The following MEF2D variants were observed in gnomAD, a reference collection of about 807,000 sequenced individuals.
The protein encoded by MEF2D is myocyte enhancer factor 2D, also known as myocyte-specific enhancer factor 2D.
In MEF2D, 10 loss-of-function variants were observed where a neutral mutation model predicts 59.3. That is an observed-to-expected ratio of 0.17 (90% CI 0.10 to 0.29). MEF2D has a LOEUF of 0.29. Among genes scored for constraint, MEF2D ranks in the 10% least tolerant of loss-of-function variants. MEF2D has a pLI of 1.00. For synonymous variants in MEF2D, 305 were observed against 295.0 expected (o/e 1.03, Z -0.35); for missense variants, 508 against 699.4 (o/e 0.73, Z 3.09).
chr1:156,499,109 C>T (rs1673319748), intron 1 of MEF2D, among the ~76,000 whole-genome samples: 1 of 152,146 alleles, frequency 6.6e-6, no homozygotes, highest in African/African-American at 2.4e-5. Flanking sequence ...CCAAAACACC[C>T]AATCTCAGGC....
rs1169744204 is a variant in MEF2D at position 156,483,364 on chromosome 1, T to C, written c.-72A>G. 1.1e-5 allele frequency: 15 copies of C among 1,396,062 alleles called. No homozygotes were observed. Among genetic ancestry groups the C allele is most frequent in the Non-Finnish European group, 1.4e-5 (14 of 981,854 alleles). The allele number at this position is 1,396,062 out of a possible 1,614,324, so 86.5% of individuals were successfully genotyped here. A position where few individuals can be genotyped will look rare whatever the true frequency, so the allele number is the denominator to read the frequency against. On this transcript the variant is annotated 5_prime_UTR_variant, in exon 2 of 12. Transcript: ENST00000348159. ...TGGTGGGTCTCGGCACACCTTACAC[T>C]GTGCTCATGAACGGTCTGGGAACAG... is the stretch of plus-strand genomic sequence containing the variant.
At chr1:156,469,589 T>TAAAAA (rs57183071) in intron 9 of MEF2D, among the ~76,000 whole-genome samples, 3 of 92,988 alleles carry the variant, frequency 3.2e-5, no homozygotes, top group Non-Finnish European at 2.7e-5. Context: ...GTGTTGAACT[T>TAAAAA]AAAAAAAAAA....
chr1:156,485,954 A>G (rs928294550), intron 1 of MEF2D, among the ~76,000 whole-genome samples: 2 of 150,842 alleles, frequency 1.3e-5, no homozygotes, highest in Non-Finnish European at 3.0e-5. Flanking sequence ...GGTTCAAGCG[A>G]TTCTCCTGCC....
chr1:156,471,285 C>G (rs1285189018), intron 9 of MEF2D, among the ~76,000 whole-genome samples: 1 of 152,164 alleles, frequency 6.6e-6, no homozygotes, highest in Non-Finnish European at 1.5e-5. Flanking sequence ...CGCACACCAT[C>G]ACGCCCAGCT....
chr1:156,479,925 C>T (rs1366763041), intron 4 of MEF2D, 129 bp from the exon 5 acceptor site: 1 of 862,728 alleles, frequency 1.2e-6, no homozygotes, highest in South Asian at 1.7e-5. Flanking sequence ...GCAGTTCAAG[C>T]TCCCTGCCCT....
In MEF2D at chr1:156,467,787, C is replaced by G. The variant is rs1041462113; in HGVS notation, c.1555-131G>C. The G allele has an allele frequency of 8.2e-6, 9 of 1,095,038 alleles. No homozygotes were observed. In the Admixed American group the frequency reaches 2.8e-4, roughly 34 times the overall value. The allele number at this position is 1,095,038 out of a possible 1,614,324, so 67.8% of individuals were successfully genotyped here. A position where few individuals can be genotyped will look rare whatever the true frequency, so the allele number is the denominator to read the frequency against. ...GCCAGCTGTGAGGGGAAGAAGTCAT[C>G]GAGCAGAAGGACTGATGCTGGAGGG... On this transcript the variant is annotated intron_variant, in intron 11 of 11. Coordinates refer to ENST00000348159, the MANE Select transcript of MEF2D (RefSeq NM_005920.4).
intron 1 of MEF2D, among the ~76,000 whole-genome samples, chr1:156,484,619 T>A (rs1672230249): frequency 6.6e-6 from 1 of 152,210 alleles, no homozygotes; most frequent in Non-Finnish European, 1.5e-5. Flanking sequence ...GGGAGGCCAC[T>A]GGCAGCCAGG....
chr1:156,477,333 G>C, intron 6 of MEF2D, 131 bp from the exon 7 acceptor site: 1 of 713,634 alleles, frequency 1.4e-6, no homozygotes, highest in East Asian at 2.8e-5. Context: ...AGTGGGGGCT[G>C]AGCTATCTGA....
chr1:156,480,431 G>T lies in MEF2D; in HGVS notation c.396+403C>A, dbSNP rs549276344. Among the ~76,000 whole-genome samples the T allele has an allele frequency of 3.5e-3, 531 of 152,324 alleles. 2 individuals carry two copies. Among genetic ancestry groups the T allele is most frequent in the Non-Finnish European group, 5.9e-3 (400 of 68,034 alleles). ...TCATCTACACACTTCTTGCTGGAGA[G>T]GGGGACACTCCAGGCCTCTCCAACT... On this transcript the variant is annotated intron_variant, in intron 4 of 11. Transcript: ENST00000348159.
intron 1 of MEF2D, among the ~76,000 whole-genome samples, chr1:156,486,951 C>T (rs1323218266): frequency 6.6e-6 from 1 of 152,202 alleles, no homozygotes; most frequent in Non-Finnish European, 1.5e-5. Flanking sequence ...GAGCTAGAAC[C>T]CTTGCTCTCC....
rs1670744569 is a variant in MEF2D, at chr1:156,464,857, C to G, written c.*2788G>C. 1 of 152,218 alleles carries G rather than the reference C, an allele frequency of 6.6e-6. No homozygotes were observed. The highest frequency in any genetic ancestry group is 1.5e-5 in the Non-Finnish European group (1 of 68,054). 9.4% of individuals were successfully genotyped at this position (152,218 alleles called of 1,614,324 possible). ...CGTGAATTGCAGGGGCCCTCACCCC[C>G]ACCCCGTGTTTAATGGTGGCCAAGC... On this transcript the variant is annotated 3_prime_UTR_variant, in exon 12 of 12. Coordinates refer to ENST00000348159, the MANE Select transcript of MEF2D (RefSeq NM_005920.4).
rs532820520 is a variant in MEF2D at position 156,487,805 on chromosome 1, C to T, written c.-138-4375G>A. ...CAGATGTGAGTCTCTCCTCTCCAGCCTCACCTGGCCCCATTCTTCTCCTGT... is the reference window on the plus strand; with the variant it reads ...CAGATGTGAGTCTCTCCTCTCCAGCTTCACCTGGCCCCATTCTTCTCCTGT... On this transcript the variant is annotated intron_variant, in intron 1 of 11. Transcript: ENST00000348159. 4.6e-5 allele frequency among the ~76,000 whole-genome samples: 7 copies of T among 152,368 alleles called. No homozygotes were observed. In the East Asian group the frequency reaches 1.3e-3, roughly 29 times the overall value.
chr1:156,498,418 G>A (rs1265303723), intron 1 of MEF2D, among the ~76,000 whole-genome samples: 1 of 152,130 alleles, frequency 6.6e-6, no homozygotes, highest in Non-Finnish European at 1.5e-5. Flanking sequence ...CCTTGGACTG[G>A]GGCTTCCATG....
At chr1:156,467,729 C>A (rs1047127131) in intron 11 of MEF2D, 73 bp from the exon 12 acceptor site, 1 of 1,345,182 alleles carries the variant, frequency 7.4e-7, no homozygotes, top group East Asian at 2.7e-5. Context: ...CCCCACTCCC[C>A]TCTCCCCATA....
chr1:156,468,693 C>A lies in MEF2D; in HGVS notation c.1247+87G>T. On this transcript the variant is annotated intron_variant, in intron 10 of 11. Transcript: ENST00000348159. The surrounding 1 kb of genome is among the most constrained non-coding windows in gnomAD (Gnocchi z 4.3). ...TCATAGGATGTCCACTAGAACCCTG[C>A]AGGGAACCCAGCTCCCAAGAGGTCC... 1 of 1,548,900 alleles carries A rather than the reference C, an allele frequency of 6.5e-7. No homozygotes were observed. The highest frequency in any genetic ancestry group is 8.7e-7 in the Non-Finnish European group (1 of 1,142,992).
At chr1:156,482,948 T>C (rs1196550754) in intron 2 of MEF2D, among the ~76,000 whole-genome samples, 2 of 152,158 alleles carry the variant, frequency 1.3e-5, no homozygotes, top group African/African-American at 2.4e-5. Flanking sequence ...AGGATTCCTG[T>C]TGGGAAAGGA....
chr1:156,465,647 CAT>C lies in MEF2D; in HGVS notation c.*1996_*1997del, dbSNP rs1304398024. The C allele has an allele frequency of 2.6e-5, 4 of 152,506 alleles. No homozygotes were observed. The highest frequency in any genetic ancestry group is 7.2e-5 in the African/African-American group (3 of 41,482). The allele number at this position is 152,506 out of a possible 1,614,324, so 9.4% of individuals were successfully genotyped here. ...GCACACCCGTGCAACCACACACACA[CAT>C]AAATACAAAAGTACACCCGTGCAAT... On this transcript the variant is annotated 3_prime_UTR_variant, in exon 12 of 12. Coordinates refer to ENST00000348159, the MANE Select transcript of MEF2D (RefSeq NM_005920.4).
rs540111996 is a variant in MEF2D, at chr1:156,464,448, T to TGGGGG, written c.*3192_*3196dup. Reference sequence around the variant, plus strand: ...AGAATGGTGTGTTCCACTGAGGTGGTGGGGGGGGGTGTCCTCTTGCCCACT... The same window carrying TGGGGG: ...AGAATGGTGTGTTCCACTGAGGTGGTGGGGGGGGGGGGGGTGTCCTCTTGCCCACT... On this transcript the variant is annotated 3_prime_UTR_variant, in exon 12 of 12. Coordinates refer to ENST00000348159, the MANE Select transcript of MEF2D (RefSeq NM_005920.4). 1 of 24,330 alleles carries TGGGGG rather than the reference T, an allele frequency of 4.1e-5. No individual in the cohort carries two copies. Among genetic ancestry groups the TGGGGG allele is most frequent in the African/African-American group, 1.0e-4 (1 of 9,704 alleles). 1.5% of individuals were successfully genotyped at this position (24,330 alleles called of 1,614,324 possible). A position where few individuals can be genotyped will look rare whatever the true frequency, so the allele number is the denominator to read the frequency against.
chr1:156,493,408 A>G (rs1309688263), intron 1 of MEF2D, among the ~76,000 whole-genome samples: 2 of 152,128 alleles, frequency 1.3e-5, no homozygotes, highest in African/African-American at 4.8e-5. Flanking sequence ...AACTCGAAGG[A>G]CAGTCCTCTA....
Sources: gnomAD v4.1 joint callset for allele counts (sites outside exome capture counted in the v4.1 genomes callset) on GRCh38, gnomAD v4.1.1 for gene constraint, Gnocchi (gnomAD v3.1) non-coding constraint, MANE v1.5 for transcripts, NCBI Gene and HGNC (gene_info 2026-07-23, HGNC 2026-07-21) for gene names.